The following PLCH1 variants were observed in gnomAD, a reference collection of about 807,000 sequenced individuals.
PLCH1 encodes phospholipase C eta 1, also known as 1-phosphatidylinositol 4,5-bisphosphate phosphodiesterase eta-1.
In PLCH1, 60 loss-of-function variants were observed where a neutral mutation model predicts 126.7. The ratio of observed to expected loss-of-function variants is 0.47; its 90% CI spans 0.38 to 0.59. The LOEUF (loss-of-function observed/expected upper bound fraction) is 0.59, where lower values mean the gene tolerates loss of function less well. Ranked by LOEUF, PLCH1 falls within the 20% of genes least tolerant of loss-of-function variation. The pLI is 0.00. For missense variants in PLCH1, 1,723 were observed against 2,040.0 expected, an observed-to-expected ratio of 0.84 and a Z score of 2.99; for synonymous variants, 719 against 734.9, an observed-to-expected ratio of 0.98 and a Z score of 0.35.
At chr3:155,648,214 T>C (rs570026044) in intron 2 of PLCH1, among the ~76,000 whole-genome samples, 32 of 152,304 alleles carry the variant, frequency 2.1e-4, no homozygotes, top group East Asian at 3.9e-4. Flanking sequence ...CAGGGAACAA[T>C]AGTAGTAGTA....
chr3:155,718,178 C>T (rs1203548008), intron 1 of PLCH1, among the ~76,000 whole-genome samples: 1 of 152,048 alleles, frequency 6.6e-6, no homozygotes, highest in Non-Finnish European at 1.5e-5. Context: ...AACCTTTACT[C>T]CAGCTCCCAG....
intron 21 of PLCH1, among the ~76,000 whole-genome samples, chr3:155,469,172 A>T (rs1713054685): frequency 6.6e-6 from 1 of 152,220 alleles, no homozygotes; most frequent in Admixed American, 6.5e-5. Flanking sequence ...TACCGGGTTC[A>T]TCTCACTAGG....
intron 4 of PLCH1, among the ~76,000 whole-genome samples, chr3:155,589,997 C>G (rs548366501): frequency 2.0e-5 from 3 of 152,054 alleles, no homozygotes; most frequent in Non-Finnish European, 2.9e-5. Flanking sequence ...GGGGCTGGAC[C>G]GCAGGCAGTG....
Position 155,596,141 on chromosome 3 carries a change from C to T in PLCH1, c.226+91G>A. 3.3e-6 allele frequency: 3 copies of T among 900,972 alleles called. No homozygotes were observed. In the East Asian group the frequency reaches 7.7e-5, roughly 23 times the overall value. The allele number at this position is 900,972 out of a possible 1,614,324, so 55.8% of individuals were successfully genotyped here. The stretch of plus-strand genomic sequence containing the variant: ...TCTCCAAACTTATAAAAGTATAAAA[C>T]TTCCACAGATCTGAAGCTTCAAGAG... On this transcript the variant is annotated intron_variant, in intron 3 of 22. Coordinates refer to ENST00000460012, the MANE Select transcript of PLCH1 (RefSeq NM_014996.4).
intron 21 of PLCH1, among the ~76,000 whole-genome samples, chr3:155,464,042 C>T (rs9829532): frequency 0.27 from 41,046 of 152,070 alleles, 6,016 homozygotes; most frequent in East Asian, 0.42. Context: ...GTGGAGAAGG[C>T]AGACATGTGA....
chr3:155,498,066 G>T lies in PLCH1; in HGVS notation c.1797-649C>A, dbSNP rs186924072. Among the ~76,000 whole-genome samples the T allele has an allele frequency of 1.5e-3, 231 of 152,236 alleles. 1 individual carries two copies. Among genetic ancestry groups the T allele is most frequent in the African/African-American group, 5.3e-3 (219 of 41,552 alleles). On this transcript the variant is annotated intron_variant, in intron 14 of 22. Transcript: ENST00000460012. ...TAGTAGCATGATGAAATCTTGTGAG[G>T]TCCTGCTCCGTCCCACTCTGGACAT... is the stretch of plus-strand genomic sequence containing the variant.
At chr3:155,684,882 CT>C (rs1168401334) in intron 2 of PLCH1, among the ~76,000 whole-genome samples, 1 of 152,186 alleles carries the variant, frequency 6.6e-6, no homozygotes, top group Non-Finnish European at 1.5e-5. Flanking sequence ...GCAGTGTCTC[CT>C]TACCTCTTTA....
intron 21 of PLCH1, among the ~76,000 whole-genome samples, chr3:155,468,740 C>A (rs1713026136): frequency 6.6e-6 from 1 of 151,974 alleles, no homozygotes; most frequent in South Asian, 2.1e-4. Flanking sequence ...TATGTTTAAA[C>A]ACTTAACAAA....
chr3:155,607,891 A>G (rs571016809), intron 2 of PLCH1, among the ~76,000 whole-genome samples: 14 of 152,240 alleles, frequency 9.2e-5, no homozygotes, highest in Admixed American at 3.3e-4. Context: ...GAACCACTGC[A>G]GGAATGTGCC....
chr3:155,680,385 A>G (rs998120399), intron 2 of PLCH1, among the ~76,000 whole-genome samples: 1 of 152,158 alleles, frequency 6.6e-6, no homozygotes, highest in Admixed American at 6.5e-5. Flanking sequence ...TCTGTCTCAA[A>G]AAAAAAAGTC....
chr3:155,535,872 T>G (rs1328363870), intron 10 of PLCH1, among the ~76,000 whole-genome samples: 1 of 152,134 alleles, frequency 6.6e-6, no homozygotes, highest in Non-Finnish European at 1.5e-5. Flanking sequence ...ACAACCAGCA[T>G]TCGAGAAAAC....
intron 11 of PLCH1, among the ~76,000 whole-genome samples, chr3:155,521,202 CT>C (rs1397268251): frequency 6.6e-6 from 1 of 152,182 alleles, no homozygotes; most frequent in African/African-American, 2.4e-5. Context: ...CACACACACA[CT>C]TTTTTCCTTT....
At chr3:155,692,245 A>T (rs1236190214) in intron 2 of PLCH1, among the ~76,000 whole-genome samples, 2 of 152,190 alleles carry the variant, frequency 1.3e-5, no homozygotes, top group African/African-American at 4.8e-5. Context: ...CTCTGCAAAT[A>T]GTCTATAAAG....
intron 17 of PLCH1, 30 bp downstream of exon 17, chr3:155,494,111 T>G: frequency 3.3e-6 from 5 of 1,512,272 alleles, no homozygotes; most frequent in South Asian, 1.1e-5. Flanking sequence ...AACACACACC[T>G]GCATTTATGA....
intron 2 of PLCH1, among the ~76,000 whole-genome samples, chr3:155,652,485 C>CGT (rs1004736136): frequency 8.5e-5 from 13 of 152,070 alleles, no homozygotes; most frequent in Middle Eastern, 3.4e-3. Flanking sequence ...TGTTTTTTTG[C>CGT]GTGTGTGTGT....
chr3:155,455,967 C>A (rs1712432854), intron 21 of PLCH1, among the ~76,000 whole-genome samples: 1 of 152,178 alleles, frequency 6.6e-6, no homozygotes, highest in African/African-American at 2.4e-5. Context: ...AACATGCACG[C>A]CCATTCATGA....
chr3:155,719,533 A>T (rs1033169995), intron 1 of PLCH1, among the ~76,000 whole-genome samples: 7 of 151,732 alleles, frequency 4.6e-5, no homozygotes, highest in Non-Finnish European at 7.4e-5. Flanking sequence ...TTAATTAATT[A>T]AAAAAAAGAA....
chr3:155,648,340 G>T (rs1740294073), intron 2 of PLCH1, among the ~76,000 whole-genome samples: 2 of 152,182 alleles, frequency 1.3e-5, no homozygotes, highest in African/African-American at 4.8e-5. Flanking sequence ...TTAGGGCCTT[G>T]GGAAGGAAAA....
intron 1 of PLCH1, among the ~76,000 whole-genome samples, chr3:155,713,482 CATG>C (rs1747291827): frequency 6.6e-6 from 1 of 152,112 alleles, no homozygotes; most frequent in Non-Finnish European, 1.5e-5. Context: ...TGCAAGATAT[CATG>C]GTAAAAACTG....
Sources: gnomAD v4.1 joint callset for allele counts (sites outside exome capture counted in the v4.1 genomes callset) on GRCh38, gnomAD v4.1.1 for gene constraint, MANE v1.5 for transcripts, NCBI Gene and HGNC (gene_info 2026-07-23, HGNC 2026-07-21) for gene names.